The following ROPN1 variants were observed in gnomAD, a reference collection of about 807,000 sequenced individuals.
ROPN1 encodes the protein ropporin-1A.
Under a neutral mutation model 20.5 loss-of-function variants are expected in ROPN1, and 14 were observed. The ratio of observed to expected loss-of-function variants is 0.68; its 90% CI spans 0.45 to 1.07. The LOEUF is 1.07. Ranked by LOEUF, ROPN1 falls within the 50% of genes least tolerant of loss-of-function variation. The pLI is 0.00. For synonymous variants in ROPN1, 76 were observed against 95.7 expected (o/e 0.79, Z 1.20); for missense variants, 169 against 242.8 (o/e 0.70, Z 2.02).
intron 1 of ROPN1, among the ~76,000 whole-genome samples, chr3:123,987,038 C>A (rs11720575): frequency 6.6e-6 from 1 of 152,244 alleles, no homozygotes; most frequent in Non-Finnish European, 1.5e-5. Context: ...CAGCTAAAGT[C>A]TCTTATTGGA....
At chr3:123,984,787 C>T (rs6803291) in intron 1 of ROPN1, among the ~76,000 whole-genome samples, 7,207 of 152,230 alleles carry the variant, frequency 0.047, 564 homozygotes, top group African/African-American at 0.16. Context: ...AACACTGTCT[C>T]GCCCACTGTT....
In ROPN1 at chr3:123,970,192, A is replaced by G. The variant is rs781679746; in HGVS notation, c.422T>C (p.Val141Ala). ...ATGGTCACATGATAAGACCTCACAC[A>G]CTATCTTGAGAGTTTTGGTAATAGT... ...GVTITKTLKI[V>A]CEVLSCDHNG... The change falls in exon 5 of 6, where the codon GTG becomes GCG. Residue 141 changes from valine (V) to alanine (A), a missense_variant. By Grantham distance (64) the Val-to-Ala change is moderately conservative (BLOSUM62 0). This residue lies in a region of ROPN1 where 82 missense variants were observed against 100.1 expected (regional missense o/e 0.82). Transcript: ENST00000405845. 2.5e-6 allele frequency: 4 copies of G among 1,613,822 alleles called. No individual in the cohort carries two copies. The East Asian group carries it at 8.9e-5, about 36-fold the overall frequency.
At chr3:123,980,593 A>C (rs1487728929) in intron 1 of ROPN1, 100 bp from the exon 2 acceptor site, 4 of 1,059,856 alleles carry the variant, frequency 3.8e-6, no homozygotes, top group Non-Finnish European at 5.5e-6. Flanking sequence ...TTGACACTCA[A>C]TTTTGGGGAC....
chr3:123,972,401 C>T (rs1359738461), intron 4 of ROPN1, among the ~76,000 whole-genome samples: 7 of 152,186 alleles, frequency 4.6e-5, no homozygotes, highest in African/African-American at 1.7e-4. Context: ...AAGCATCTTG[C>T]GAGCTTCATT....
intron 2 of ROPN1, chr3:123,979,327 A>G (rs1371083885): frequency 5.7e-6 from 2 of 351,504 alleles, no homozygotes; most frequent in Admixed American, 3.8e-5. Context: ...CCCACTCACA[A>G]CCTCAGCCTG....
chr3:123,970,230 G>C lies in ROPN1; in HGVS notation c.397-13C>G, dbSNP rs747918291. 13 of 1,607,806 alleles carry C rather than the reference G, an allele frequency of 8.1e-6. No homozygotes were observed. Among genetic ancestry groups the C allele is most frequent in the East Asian group, 4.5e-5 (2 of 44,806 alleles). On this transcript the variant is annotated splice_polypyrimidine_tract_variant and intron_variant, in intron 4 of 5. Transcript: ENST00000405845. ...TTTTGGTAATAGTCTATAAAAGTTA[G>C]ATAAAATGAGGAGAAAGTTACTCTT...
chr3:123,971,460 CA>C (rs974005930), intron 4 of ROPN1, among the ~76,000 whole-genome samples: 15 of 152,024 alleles, frequency 9.9e-5, no homozygotes, highest in Admixed American at 9.2e-4. Context: ...TACATGATGT[CA>C]AAAAAAATTG....
At chr3:123,970,395 ATATT>A (rs1451969055) in intron 4 of ROPN1, among the ~76,000 whole-genome samples, 178 bp from the exon 5 acceptor site, 1 of 152,238 alleles carries the variant, frequency 6.6e-6, no homozygotes, top group Non-Finnish European at 1.5e-5. Flanking sequence ...ATTCTAAAAA[ATATT>A]AAGTATTGGG....
intron 1 of ROPN1, among the ~76,000 whole-genome samples, chr3:123,983,019 G>A (rs1315686270): frequency 6.6e-6 from 1 of 152,156 alleles, no homozygotes; most frequent in African/African-American, 2.4e-5. Flanking sequence ...GTTCATTCAT[G>A]TGGTAGCATG....
intron 1 of ROPN1, among the ~76,000 whole-genome samples, chr3:123,989,694 G>C (rs1274183769): frequency 6.6e-6 from 1 of 152,180 alleles, no homozygotes; most frequent in Admixed American, 6.5e-5. Flanking sequence ...GGCTAGCAGT[G>C]TCCCCTGGCA....
intron 1 of ROPN1, among the ~76,000 whole-genome samples, chr3:123,983,191 A>G (rs1341657581): frequency 6.6e-6 from 1 of 152,214 alleles, no homozygotes; most frequent in Non-Finnish European, 1.5e-5. Flanking sequence ...GATCATTTCC[A>G]CATTTTAGCT....
At chr3:123,983,068 T>C (rs969950732) in intron 1 of ROPN1, among the ~76,000 whole-genome samples, 1 of 152,216 alleles carries the variant, frequency 6.6e-6, no homozygotes, top group Non-Finnish European at 1.5e-5. Flanking sequence ...TAGTCAGATG[T>C]GTTACCCATT....
chr3:123,970,215 A>G lies in ROPN1; in HGVS notation c.399T>C (p.Thr133=). The change falls in exon 5 of 6, where the codon ACT becomes ACC. Residue 133 remains threonine, a splice_region_variant and synonymous_variant. Coordinates refer to ENST00000405845, the MANE Select transcript of ROPN1 (RefSeq NM_001317774.2). Reference sequence around the variant, plus strand: ...ACACTATCTTGAGAGTTTTGGTAATAGTCTATAAAAGTTAGATAAAATGAG... The same window carrying G: ...ACACTATCTTGAGAGTTTTGGTAATGGTCTATAAAAGTTAGATAAAATGAG... ...LALACSALGV[T]ITKTLKIVCE... 1 of 1,612,450 alleles carries G rather than the reference A, an allele frequency of 6.2e-7. No individual in the cohort carries two copies. Among genetic ancestry groups the G allele is most frequent in the Non-Finnish European group, 8.5e-7 (1 of 1,178,680 alleles).
Position 123,981,567 on chromosome 3 carries a change from T to A in ROPN1, c.-12-1074A>T, listed in dbSNP as rs184253371. ...AAAGGTGTGGCTGAAAATATCCGCC[T>A]ACAGGCAGGGGTAAGCAACAAAGAA... On this transcript the variant is annotated intron_variant, in intron 1 of 5. Coordinates refer to ENST00000405845, the MANE Select transcript of ROPN1 (RefSeq NM_001317774.2). 2.6e-5 allele frequency: 4 copies of A among 153,732 alleles called. No individual in the cohort carries two copies. In the East Asian group the frequency reaches 7.7e-4, roughly 30 times the overall value. The allele number at this position is 153,732 out of a possible 1,614,324, so 9.5% of individuals were successfully genotyped here. A position where few individuals can be genotyped will look rare whatever the true frequency, so the allele number is the denominator to read the frequency against.
chr3:123,971,594 G>C (rs547675165), intron 4 of ROPN1, among the ~76,000 whole-genome samples: 1 of 152,278 alleles, frequency 6.6e-6, no homozygotes, highest in Admixed American at 6.5e-5. Context: ...GGGAGGGCAG[G>C]CATGGGGCCA....
chr3:123,982,164 C>T (rs1166320372), intron 1 of ROPN1, among the ~76,000 whole-genome samples: 2 of 152,040 alleles, frequency 1.3e-5, no homozygotes, highest in Non-Finnish European at 2.9e-5. Flanking sequence ...ATACTCATGC[C>T]AGACAAAAGA....
Position 123,980,403 on chromosome 3 carries a change from T to G in ROPN1, c.79A>C (p.Arg27=), listed in dbSNP as rs368582018. 7.1e-5 allele frequency: 114 copies of G among 1,614,192 alleles called. No individual in the cohort carries two copies. In the African/African-American group the frequency reaches 1.0e-3, roughly 14 times the overall value. Residue 27 remains arginine, a synonymous_variant, in exon 2 of 6, where the codon AGG becomes CGG. Transcript: ENST00000405845. ...MLKEFAKAAI[R]VQPQDLIQWA... ...TGGATGAGGTCCTGCGGCTGCACCC[T>G]AATGGCGGCTTTGGCAAACTCCTTC...
In ROPN1 at chr3:123,976,885, C is replaced by T. The variant is rs752943751; in HGVS notation, c.213G>A (p.Leu71=). 57 of 1,613,924 alleles carry T rather than the reference C, an allele frequency of 3.5e-5. No homozygotes were observed. The highest frequency in any genetic ancestry group is 4.7e-5 in the Non-Finnish European group (56 of 1,179,976). The change falls in exon 3 of 6, where the codon CTG becomes CTA. Residue 71 remains leucine (L), a synonymous_variant. Coordinates refer to ENST00000405845, the MANE Select transcript of ROPN1 (RefSeq NM_001317774.2). ...LCNRAELTPE[L]LKILHSQVAG... is the part of the protein sequence containing the mutation. ...TTACCTGAGAATGCAGGATCTTTAA[C>T]AGCTCAGGTGTTAGCTCTGCCCGGT...
intron 5 of ROPN1, 146 bp downstream of exon 5, chr3:123,969,896 G>C (rs12637464): frequency 0.12 from 91,648 of 778,968 alleles, 22,295 homozygotes; most frequent in East Asian, 0.79. Context: ...TCCCTTTCCC[G>C]TTTTCTTTCA....
Sources: allele counts gnomAD v4.1 joint callset (sites outside exome capture counted in the v4.1 genomes callset), GRCh38; gene constraint gnomAD v4.1.1; regional missense constraint gnomAD v4.1.1; transcripts MANE v1.5; gene names NCBI Gene and HGNC (gene_info 2026-07-23, HGNC 2026-07-21).